Variants in MOGAT3 observed in about 807,000 individuals in gnomAD.
The protein encoded by MOGAT3 is 2-acylglycerol O-acyltransferase 3.
In MOGAT3, 39 loss-of-function variants were observed where a neutral mutation model predicts 34.4. That is an observed-to-expected ratio of 1.13 (90% CI 0.88 to 1.48). The LOEUF is 1.48. MOGAT3 is among the 40% of genes most tolerant of loss of function. The pLI, the probability that MOGAT3 is intolerant of heterozygous loss-of-function variation, is 0.00. For synonymous variants in MOGAT3, 209 were observed against 179.2 expected, an observed-to-expected ratio of 1.17 and a Z score of -1.33; for missense variants, 439 against 438.9, an observed-to-expected ratio of 1.00 and a Z score of 0.00.
chr7:101,198,666 G>A lies in MOGAT3; in HGVS notation c.453C>T (p.Leu151=). The part of the protein sequence containing the change: ...LRPWLAVLAG[L]FYLPVYRDYI... ...AGTCGCGATAGACCGGGAGGTAGAA[G>A]AGGCCAGCCAGCACGGCTAACCAGG... Residue 151 remains leucine (L), a synonymous_variant, in exon 4 of 7, where the codon CTC becomes CTT. Coordinates refer to ENST00000223114, the MANE Select transcript of MOGAT3 (RefSeq NM_178176.4). The A allele has an allele frequency of 6.2e-7, 1 of 1,613,620 alleles. No homozygotes were observed.
chr7:101,198,944 G>T, intron 3 of MOGAT3, 114 bp from the exon 4 acceptor site: 1 of 857,598 alleles, frequency 1.2e-6, no homozygotes, highest in South Asian at 1.5e-5. Context: ...TAGGGTCAAG[G>T]GCCACCCCAG....
At position 101,198,197 on chromosome 7, in the gene MOGAT3, C is replaced by T; in HGVS notation, c.662G>A (p.Arg221Lys). ...GGCCTGCACGCGCACTCACCCGTGC[C>T]TCAGCGCCAGGCGCACGAAGCCTTT... is the stretch of plus-strand genomic sequence containing the variant. ...KRKGFVRLAL[R>K]HGASLVPVYS... The change falls in exon 5 of 7, where the codon AGG becomes AAG. Residue 221 changes from arginine (R) to lysine (K), a missense_variant. Arg to Lys is a conservative substitution (Grantham distance 26). Coordinates refer to ENST00000223114, the MANE Select transcript of MOGAT3 (RefSeq NM_178176.4). 6.2e-7 allele frequency: 1 copy of T among 1,612,092 alleles called. No individual in the cohort carries two copies. Among genetic ancestry groups the T allele is most frequent in the Admixed American group, 1.7e-5 (1 of 59,866 alleles).
At position 101,201,007 on chromosome 7, in the gene MOGAT3, G is replaced by A. The variant is rs1797942517; in HGVS notation, c.-153C>T. 1.9e-5 allele frequency: 11 copies of A among 592,756 alleles called. No individual in the cohort carries two copies. Among genetic ancestry groups the A allele is most frequent in the South Asian group, 8.3e-5 (4 of 48,338 alleles). 36.7% of individuals were successfully genotyped at this position (592,756 alleles called of 1,614,324 possible). ...TCACCTCCCAGAGTAGCGTGTGTCC[G>A]TAGGTGTGTGAGTGGGGAGATCTTT... is the stretch of plus-strand genomic sequence containing the variant. On this transcript the variant is annotated 5_prime_UTR_variant, in exon 1 of 7. It adds an upstream start codon to the 5' untranslated region. Coordinates refer to ENST00000223114, the MANE Select transcript of MOGAT3 (RefSeq NM_178176.4).
downstream of MOGAT3, among the ~76,000 whole-genome samples, chr7:101,194,057 G>A (rs1430098094): frequency 3.3e-5 from 5 of 151,818 alleles, no homozygotes; most frequent in Admixed American, 1.3e-4. Context: ...GCCGTGGCAC[G>A]ATCTCGGCTC....
chr7:101,198,169 T>C (rs1207255663), intron 5 of MOGAT3, 22 bp downstream of exon 5: 3 of 1,596,264 alleles, frequency 1.9e-6, no homozygotes, highest in Admixed American at 3.5e-5. Context: ...AACTGACAGG[T>C]AGGGCCTGCA....
intron 5 of MOGAT3, 114 bp downstream of exon 5, chr7:101,198,077 G>A (rs1471898492): frequency 4.4e-5 from 54 of 1,234,570 alleles, no homozygotes; most frequent in Non-Finnish European, 5.5e-5. Context: ...GTGCAGGGCA[G>A]GGCGCTGGTC....
intron 4 of MOGAT3, 80 bp from the exon 5 acceptor site, chr7:101,198,445 GC>G: frequency 1.4e-6 from 2 of 1,427,376 alleles, no homozygotes; most frequent in Non-Finnish European, 9.3e-7. Flanking sequence ...TTAGTTCCAA[GC>G]CCCCTACCCC....
At chr7:101,193,153 G>C (rs1797715777), downstream of MOGAT3, among the ~76,000 whole-genome samples, 1 of 152,076 alleles carries the variant, frequency 6.6e-6, no homozygotes, top group Non-Finnish European at 1.5e-5. Flanking sequence ...CTGGTGCTGT[G>C]GTGCAATCTT....
chr7:101,198,929 T>C, intron 3 of MOGAT3, 99 bp from the exon 4 acceptor site: 1 of 1,106,020 alleles, frequency 9.0e-7, no homozygotes, highest in Non-Finnish European at 1.3e-6. Flanking sequence ...TAAAGGTTCT[T>C]AGGATAGGGT....
rs758559617 is a variant in MOGAT3 at position 101,196,375 on chromosome 7, G to C, written c.683C>G (p.Pro228Arg). The change falls in exon 6 of 7, where the codon CCC (proline) becomes CGC (arginine). Residue 228 changes from proline to arginine, a missense_variant. By Grantham distance (103) the Pro-to-Arg change is moderately radical (BLOSUM62 -2). Transcript: ENST00000223114. ...GTCATTCTCCCCAAAGGAGTACACG[G>C]GCACCAGGGACGCCCTGGGAAGGAG... ...LALRHGASLV[P>R]VYSFGENDIF... The C allele has an allele frequency of 1.2e-6, 2 of 1,611,418 alleles. No homozygotes were observed. The highest frequency in any genetic ancestry group is 2.2e-5 in the South Asian group (2 of 90,902).
chr7:101,198,075 C>T, intron 5 of MOGAT3, 116 bp downstream of exon 5: 1 of 1,206,912 alleles, frequency 8.3e-7, no homozygotes, highest in East Asian at 2.6e-5. Flanking sequence ...CGGTGCAGGG[C>T]AGGGCGCTGG....
rs146254871 is a variant in MOGAT3 at position 101,196,072 on chromosome 7, G to C, written c.900C>G (p.Arg300=). 3.7e-6 allele frequency: 6 copies of C among 1,612,856 alleles called. No homozygotes were observed. The African/African-American group carries it at 8.0e-5, about 22-fold the overall frequency. The change falls in exon 7 of 7, where the codon CGC becomes CGG. Residue 300 remains arginine, a synonymous_variant. Transcript: ENST00000223114. The part of the protein sequence containing the change: ...VVGRPIPVPQ[R]LHPTEEEVNH... ...TGACTTCCTCCTCGGTGGGGTGGAG[G>C]CGCTGGGGGACGGGGATGGGGCGGC... is the stretch of plus-strand genomic sequence containing the variant.
chr7:101,200,168 G>A, intron 3 of MOGAT3, 66 bp downstream of exon 3: 1 of 1,352,380 alleles, frequency 7.4e-7, no homozygotes, highest in Non-Finnish European at 1.1e-6. Context: ...ACAAGGAAGG[G>A]CTCCTAGGTG....
chr7:101,193,840 C>A (rs1197020492), downstream of MOGAT3, among the ~76,000 whole-genome samples: 4 of 152,192 alleles, frequency 2.6e-5, no homozygotes, highest in Non-Finnish European at 5.9e-5. Flanking sequence ...AGGGAAAATT[C>A]TTCCCACAAA....
chr7:101,195,793 T>C lies in MOGAT3; in HGVS notation c.*153A>G. The stretch of plus-strand genomic sequence containing the variant: ...GTCTTCAACTCCTGGGCTCAAACGA[T>C]CCTCCCACCTTGGCCTCCCAAAGTG... On this transcript the variant is annotated 3_prime_UTR_variant, in exon 7 of 7. Transcript: ENST00000223114. The C allele has an allele frequency of 1.3e-6, 1 of 766,706 alleles. No homozygotes were observed. The highest frequency in any genetic ancestry group is 2.1e-6 in the Non-Finnish European group (1 of 469,896). 47.5% of individuals were successfully genotyped at this position (766,706 alleles called of 1,614,324 possible). A position where few individuals can be genotyped will look rare whatever the true frequency, so the allele number is the denominator to read the frequency against.
Position 101,199,000 on chromosome 7 carries a change from G to GTT in MOGAT3, c.289-172_289-171dup, listed in dbSNP as rs56137538. On this transcript the variant is annotated intron_variant, in intron 3 of 6. Coordinates refer to ENST00000223114, the MANE Select transcript of MOGAT3 (RefSeq NM_178176.4). ...TCTTAGGATAGGGTTAAGGGCCCAGGTTTTTTTTTTTTTTTTTTTTGAGAT... is the reference window on the plus strand; with the variant it reads ...TCTTAGGATAGGGTTAAGGGCCCAGGTTTTTTTTTTTTTTTTTTTTTTGAGAT... Among the ~76,000 whole-genome samples the GTT allele has an allele frequency of 3.2e-3, 321 of 100,186 alleles. 6 individuals are homozygous for GTT. The highest frequency in any genetic ancestry group is 0.029 in the East Asian group (93 of 3,154). 65.7% of individuals were successfully genotyped at this position (100,186 alleles called of 152,430 possible). A position where few individuals can be genotyped will look rare whatever the true frequency, so the allele number is the denominator to read the frequency against.
At chr7:101,193,596 TTTTTG>T (rs1797722047), downstream of MOGAT3, among the ~76,000 whole-genome samples, 1 of 151,808 alleles carries the variant, frequency 6.6e-6, no homozygotes, top group Non-Finnish European at 1.5e-5. Flanking sequence ...GCCCAGCTAA[TTTTTG>T]TATTTTTGGT....
Position 101,196,178 on chromosome 7 carries a change from G to C in MOGAT3, c.871+9C>G. 1 of 1,571,652 alleles carries C rather than the reference G, an allele frequency of 6.4e-7. No homozygotes were observed. The highest frequency in any genetic ancestry group is 8.6e-7 in the Non-Finnish European group (1 of 1,158,068). ...GCTGGTGGCCGTCCCCCCGGAGGTG[G>C]GCACTCACCCACAGTGGTGATGGGC... On this transcript the variant is annotated intron_variant, in intron 6 of 6. Coordinates refer to ENST00000223114, the MANE Select transcript of MOGAT3 (RefSeq NM_178176.4).
downstream of MOGAT3, among the ~76,000 whole-genome samples, chr7:101,193,346 A>C (rs2116755615): frequency 6.6e-6 from 1 of 152,312 alleles, no homozygotes; most frequent in Admixed American, 6.5e-5. Context: ...AGGGGGAAGG[A>C]CAAGTGGCCA....
Sources: gnomAD v4.1 joint callset for allele counts (sites outside exome capture counted in the v4.1 genomes callset) on GRCh38, gnomAD v4.1.1 for gene constraint, MANE v1.5 for transcripts, NCBI Gene and HGNC (gene_info 2026-07-23, HGNC 2026-07-21) for gene names.